Variants in FAM78B observed in about 807,000 individuals in gnomAD.
FAM78B encodes protein FAM78B.
A neutral mutation model predicts 20.0 loss-of-function variants in FAM78B; 10 were observed. The observed-to-expected ratio is 0.50, with a 90% confidence interval of 0.31 to 0.85. FAM78B has a LOEUF of 0.85. Among genes scored for constraint, FAM78B ranks in the 40% least tolerant of loss-of-function variants. FAM78B has a pLI of 0.05. For synonymous variants in FAM78B, 135 were observed against 132.8 expected (o/e 1.02, Z -0.12); for missense variants, 283 against 345.0 (o/e 0.82, Z 1.42).
intron 1 of FAM78B, among the ~76,000 whole-genome samples, chr1:166,144,053 C>T (rs1472159243): frequency 6.6e-6 from 1 of 152,120 alleles, no homozygotes; most frequent in African/African-American, 2.4e-5. Context: ...GTAATGATGA[C>T]GCATCCAAAA....
chr1:166,137,703 T>C (rs1259822244), intron 1 of FAM78B, among the ~76,000 whole-genome samples: 1 of 152,226 alleles, frequency 6.6e-6, no homozygotes, highest in African/African-American at 2.4e-5. Context: ...TCTGAGGCCA[T>C]GTTCTTGCTG....
In FAM78B at chr1:166,166,979, G is replaced by A. The variant is rs1173735587; in HGVS notation, c.-731C>T. ...TGGAGCAGCACAGGACGTGCTCCGC[G>A]GAGGAAACTGGCTGTACGCCATGAG... On this transcript the variant is annotated 5_prime_UTR_variant, in exon 1 of 2. Coordinates refer to ENST00000354422, the MANE Select transcript of FAM78B (RefSeq NM_001017961.5). The A allele has an allele frequency of 2.6e-5, 4 of 151,312 alleles. No individual in the cohort carries two copies. The highest frequency in any genetic ancestry group is 4.4e-5 in the Non-Finnish European group (3 of 67,844). The allele number at this position is 151,312 out of a possible 1,614,324, so 9.4% of individuals were successfully genotyped here.
intron 1 of FAM78B, among the ~76,000 whole-genome samples, chr1:166,123,963 T>C (rs1021033953): frequency 6.6e-6 from 1 of 152,190 alleles, no homozygotes; most frequent in African/African-American, 2.4e-5. Context: ...CCAGGCCTAG[T>C]CCAAAGTGGG....
chr1:166,116,350 C>T (rs571188268), intron 1 of FAM78B, among the ~76,000 whole-genome samples: 1 of 152,306 alleles, frequency 6.6e-6, no homozygotes, highest in Non-Finnish European at 1.5e-5. Flanking sequence ...TGCTTGGTCA[C>T]CCTGCATTGC....
At chr1:166,156,067 C>G (rs911778746) in intron 1 of FAM78B, among the ~76,000 whole-genome samples, 1 of 152,240 alleles carries the variant, frequency 6.6e-6, no homozygotes, top group African/African-American at 2.4e-5. Context: ...AGGCCTCTAA[C>G]AGCCTCTGAG....
At chr1:166,060,534 AC>A in exon 3 of FAM78B, 1 of 1,133,880 alleles carries the variant, frequency 8.8e-7, no homozygotes, top group Non-Finnish European at 1.2e-6. Flanking sequence ...GCAGGATGGC[AC>A]ACATTTTAAT....
chr1:166,096,380 A>C (rs1653276102), intron 1 of FAM78B, among the ~76,000 whole-genome samples: 1 of 152,184 alleles, frequency 6.6e-6, no homozygotes, highest in Admixed American at 6.5e-5. Context: ...TGGGTAGCTC[A>C]CTTCACTGGC....
intron 1 of FAM78B, among the ~76,000 whole-genome samples, chr1:166,080,347 CCAT>C (rs200194519): frequency 2.7e-5 from 4 of 148,974 alleles, no homozygotes; most frequent in African/African-American, 4.9e-5. Flanking sequence ...CTACCCACCA[CCAT>C]GTCTCCAAAA....
intron 1 of FAM78B, among the ~76,000 whole-genome samples, chr1:166,089,336 G>C (rs150373445): frequency 1.8e-4 from 28 of 152,310 alleles, no homozygotes; most frequent in African/African-American, 6.7e-4. Context: ...CTACTGACGA[G>C]GATCCACCAC....
In FAM78B at chr1:166,166,279, TGGGGCAGCGCGGGGGCCCGCGC is replaced by T. The variant is rs1241128149; in HGVS notation, c.-53_-32del. The T allele has an allele frequency of 7.1e-6, 9 of 1,273,464 alleles. No homozygotes were observed. Among genetic ancestry groups the T allele is most frequent in the Admixed American group, 3.9e-5 (1 of 25,446 alleles). The allele number at this position is 1,273,464 out of a possible 1,614,324, so 78.9% of individuals were successfully genotyped here. On this transcript the variant is annotated 5_prime_UTR_variant, in exon 1 of 2. Transcript: ENST00000354422. Reference sequence around the variant, plus strand: ...AGCCCGGTGCCGGCACGGCGCGGCGTGGGGCAGCGCGGGGGCCCGCGCGGGCAGCCGGGGGCGCCCGTCACGC... The same window carrying T: ...AGCCCGGTGCCGGCACGGCGCGGCGTGGGCAGCCGGGGGCGCCCGTCACGC...
At chr1:166,083,545 C>T (rs1652665654) in intron 1 of FAM78B, among the ~76,000 whole-genome samples, 1 of 152,212 alleles carries the variant, frequency 6.6e-6, no homozygotes, top group South Asian at 2.1e-4. Flanking sequence ...TGCTCGGTCA[C>T]CCAGGCTGGA....
chr1:166,089,076 T>G (rs1180452594), intron 1 of FAM78B, among the ~76,000 whole-genome samples: 3 of 152,152 alleles, frequency 2.0e-5, no homozygotes, highest in Non-Finnish European at 2.9e-5. Flanking sequence ...GGAAGGTACT[T>G]TTTCCCACTG....
intron 1 of FAM78B, among the ~76,000 whole-genome samples, chr1:166,089,805 G>T (rs1262822906): frequency 6.6e-6 from 1 of 152,070 alleles, no homozygotes; most frequent in African/African-American, 2.4e-5. Flanking sequence ...GTATCCCTTG[G>T]ACTCAGTAGG....
At chr1:166,123,491 T>C (rs1654535372) in intron 1 of FAM78B, among the ~76,000 whole-genome samples, 1 of 152,236 alleles carries the variant, frequency 6.6e-6, no homozygotes, top group African/African-American at 2.4e-5. Context: ...CACAGTGCTG[T>C]CAGAGTGACA....
intron 1 of FAM78B, among the ~76,000 whole-genome samples, chr1:166,117,783 A>G (rs1232754749): frequency 6.6e-6 from 1 of 152,182 alleles, no homozygotes; most frequent in East Asian, 1.9e-4. Context: ...TAGGGGCTGG[A>G]CACAGCAGGG....
At chr1:166,139,677 CAT>C (rs960088987) in intron 1 of FAM78B, among the ~76,000 whole-genome samples, 3 of 152,172 alleles carry the variant, frequency 2.0e-5, no homozygotes, top group Non-Finnish European at 2.9e-5. Context: ...AACTCTAACA[CAT>C]AGTTCTATAG....
At chr1:166,078,483 G>A (rs1652424554) in intron 1 of FAM78B, among the ~76,000 whole-genome samples, 1 of 152,178 alleles carries the variant, frequency 6.6e-6, no homozygotes, top group South Asian at 2.1e-4. Context: ...CATTGATTAT[G>A]GCAACGTTCA....
At chr1:166,102,356 C>G (rs1571163136) in intron 1 of FAM78B, among the ~76,000 whole-genome samples, 1 of 152,270 alleles carries the variant, frequency 6.6e-6, no homozygotes, top group Admixed American at 6.5e-5. Flanking sequence ...TCACACATAA[C>G]AATATTAACG....
At chr1:166,096,677 G>T (rs10918346) in intron 1 of FAM78B, among the ~76,000 whole-genome samples, 5,991 of 152,178 alleles carry the variant, frequency 0.039, 392 homozygotes, top group African/African-American at 0.14. Flanking sequence ...CTGCCTCAAT[G>T]TTCTTGTCCT....
Sources: allele counts gnomAD v4.1 joint callset (sites outside exome capture counted in the v4.1 genomes callset), GRCh38; gene constraint gnomAD v4.1.1; transcripts MANE v1.5; gene names NCBI Gene and HGNC (gene_info 2026-07-23, HGNC 2026-07-21).